Variants in DLGAP4 observed in about 807,000 individuals in gnomAD.
DLGAP4 encodes DLG associated protein 4.
A neutral mutation model predicts 86.9 loss-of-function variants in DLGAP4; 18 were observed. The observed-to-expected ratio is 0.21, with a 90% CI of 0.14 to 0.31. The LOEUF is 0.31. Among genes scored for constraint, DLGAP4 ranks in the 10% least tolerant of loss-of-function variants. DLGAP4 has a pLI of 1.00. For synonymous variants in DLGAP4, 548 were observed against 574.3 expected (o/e 0.95, Z 0.65); for missense variants, 1,085 against 1,362.6 (o/e 0.80, Z 3.21).
chr20:36,479,669 G>T (rs905390174), intron 7 of DLGAP4, among the ~76,000 whole-genome samples: 41 of 152,130 alleles, frequency 2.7e-4, no homozygotes, highest in Admixed American at 1.3e-4. Context: ...GCTGAGCATG[G>T]TGTGTTGGCA....
intron 2 of DLGAP4, among the ~76,000 whole-genome samples, chr20:36,423,969 C>T (rs540208674): frequency 6.6e-6 from 1 of 151,998 alleles, no homozygotes; most frequent in Non-Finnish European, 1.5e-5. Flanking sequence ...AAAAAAAAAC[C>T]GAAAACGGAT....
intron 7 of DLGAP4, among the ~76,000 whole-genome samples, chr20:36,495,770 G>A (rs974203252): frequency 4.6e-5 from 7 of 152,222 alleles, no homozygotes; most frequent in South Asian, 2.1e-4. Context: ...ACCACTGTAC[G>A]GGTTTCACAT....
At chr20:36,455,062 G>A (rs2033844431) in intron 7 of DLGAP4, among the ~76,000 whole-genome samples, 1 of 152,128 alleles carries the variant, frequency 6.6e-6, no homozygotes, top group Non-Finnish European at 1.5e-5. Flanking sequence ...GCTTGGGGGT[G>A]CCATCACTCC....
chr20:36,522,896 A>G (rs1325436063), intron 10 of DLGAP4, among the ~76,000 whole-genome samples: 1 of 151,878 alleles, frequency 6.6e-6, no homozygotes, highest in East Asian at 1.9e-4. Flanking sequence ...TCACTTTGTC[A>G]CTCAGGCTGG....
intron 2 of DLGAP4, among the ~76,000 whole-genome samples, chr20:36,402,260 G>C (rs1436286078): frequency 6.6e-6 from 1 of 152,080 alleles, no homozygotes; most frequent in Non-Finnish European, 1.5e-5. Context: ...GTCATTTGGG[G>C]TTCAAAACTC....
chr20:36,426,863 C>T lies in DLGAP4; in HGVS notation c.-72-4783C>T, dbSNP rs888607591. 3.3e-5 allele frequency among the ~76,000 whole-genome samples: 5 copies of T among 151,898 alleles called. No homozygotes were observed. In the East Asian group the frequency reaches 5.8e-4, roughly 18 times the overall value. On this transcript the variant is annotated intron_variant, in intron 2 of 12. Transcript: ENST00000339266. ...AGGGAATGACTGCTTATTGGGGATG[C>T]GGTTTGCTTTTGGGGTTATGAAAAT...
At chr20:36,501,873 T>G (rs1446013010) in intron 10 of DLGAP4, among the ~76,000 whole-genome samples, 1 of 152,168 alleles carries the variant, frequency 6.6e-6, no homozygotes, top group Non-Finnish European at 1.5e-5. Flanking sequence ...ACCTAGTAAC[T>G]TTTTACAATA....
At chr20:36,511,774 C>T (rs979553428) in intron 10 of DLGAP4, among the ~76,000 whole-genome samples, 1 of 150,562 alleles carries the variant, frequency 6.6e-6, no homozygotes, top group African/African-American at 2.4e-5. Context: ...ACTTCTGAGG[C>T]TGAGGCAGGA....
chr20:36,467,209 C>G (rs945110668), intron 7 of DLGAP4, among the ~76,000 whole-genome samples: 1 of 152,146 alleles, frequency 6.6e-6, no homozygotes, highest in Non-Finnish European at 1.5e-5. Flanking sequence ...GACTGTGTGA[C>G]ACTCTGTAAT....
At chr20:36,440,701 G>T (rs1373934843) in intron 5 of DLGAP4, among the ~76,000 whole-genome samples, 2 of 151,998 alleles carry the variant, frequency 1.3e-5, no homozygotes, top group Admixed American at 1.3e-4. Context: ...CCGTGTACTC[G>T]GCACTTTAGG....
chr20:36,515,848 A>G (rs2037006038), intron 10 of DLGAP4, among the ~76,000 whole-genome samples: 1 of 152,268 alleles, frequency 6.6e-6, no homozygotes, highest in African/African-American at 2.4e-5. Flanking sequence ...TTGCCTACAA[A>G]TAACACTAAA....
intron 2 of DLGAP4, among the ~76,000 whole-genome samples, chr20:36,413,284 C>T (rs1007631025): frequency 2.0e-5 from 3 of 149,990 alleles, no homozygotes; most frequent in Admixed American, 2.0e-4. Context: ...GGCCTTATTC[C>T]AGAACTCTTT....
intron 1 of DLGAP4, among the ~76,000 whole-genome samples, chr20:36,322,432 C>T (rs1256714323): frequency 1.3e-5 from 2 of 152,154 alleles, no homozygotes; most frequent in East Asian, 1.9e-4. Flanking sequence ...GCAAATCCAG[C>T]TCTGCTGCTT....
At chr20:36,380,271 G>T (rs994246819) in intron 2 of DLGAP4, among the ~76,000 whole-genome samples, 6 of 151,556 alleles carry the variant, frequency 4.0e-5, no homozygotes, top group African/African-American at 1.5e-4. Flanking sequence ...ATAACCAGGT[G>T]TGGTGGTGTG....
intron 1 of DLGAP4, among the ~76,000 whole-genome samples, chr20:36,314,144 A>C (rs1217916901): frequency 2.6e-5 from 4 of 151,762 alleles, no homozygotes; most frequent in Non-Finnish European, 4.4e-5. Flanking sequence ...TGGGAGCAGA[A>C]GCGCGTGCAG....
chr20:36,433,787 GA>G (rs1485463139), intron 3 of DLGAP4, among the ~76,000 whole-genome samples: 2 of 151,864 alleles, frequency 1.3e-5, no homozygotes, highest in African/African-American at 4.8e-5. Context: ...GAGTAGCTGG[GA>G]TTACAGGCAC....
At chr20:36,442,555 A>T (rs2033478001) in intron 5 of DLGAP4, among the ~76,000 whole-genome samples, 172 bp from the exon 6 acceptor site, 1 of 152,118 alleles carries the variant, frequency 6.6e-6, no homozygotes, top group Admixed American at 6.5e-5. Context: ...AGAAGGAGTG[A>T]GCCTCCCATC....
chr20:36,446,954 G>C lies in DLGAP4; in HGVS notation c.1648+17G>C, dbSNP rs748335614. On this transcript the variant is annotated intron_variant, in intron 7 of 12. Coordinates refer to ENST00000339266, the MANE Select transcript of DLGAP4 (RefSeq NM_001365621.2). ...CGCTTCCGAGTGAGTACTGTGATGA[G>C]GGAAGGGGTTTTTTTTCTTTTCAAG... 46 of 1,586,026 alleles carry C rather than the reference G, an allele frequency of 2.9e-5. No individual in the cohort carries two copies. In the South Asian group the frequency reaches 3.9e-4, roughly 13 times the overall value.
At chr20:36,466,870 T>C (rs536639268) in intron 7 of DLGAP4, among the ~76,000 whole-genome samples, 43 of 152,184 alleles carry the variant, frequency 2.8e-4, no homozygotes, top group African/African-American at 9.9e-4. Context: ...AGTTTCCTCA[T>C]GGGATAGGAG....
Sources: gnomAD v4.1 joint callset for allele counts (sites outside exome capture counted in the v4.1 genomes callset) on GRCh38, gnomAD v4.1.1 for gene constraint, MANE v1.5 for transcripts, NCBI Gene and HGNC (gene_info 2026-07-23, HGNC 2026-07-21) for gene names.